Variants in GRM7 observed in about 807,000 individuals in gnomAD.
GRM7 encodes metabotropic glutamate receptor 7.
Under a neutral mutation model 84.5 loss-of-function variants are expected in GRM7, and 35 were observed. That is an observed-to-expected ratio of 0.41 (90% confidence interval 0.32 to 0.55). The LOEUF (loss-of-function observed/expected upper bound fraction) is 0.55, where lower values mean the gene tolerates loss of function less well. Ranked by LOEUF, GRM7 falls within the 20% of genes least tolerant of loss-of-function variation. The pLI, the probability that GRM7 is intolerant of heterozygous loss-of-function variation, is 0.19. For synonymous variants in GRM7, 487 were observed against 455.1 expected, an observed-to-expected ratio of 1.07 and a Z score of -0.89; for missense variants, 1,003 against 1,194.6, an observed-to-expected ratio of 0.84 and a Z score of 2.36.
chr3:7,551,299 A>G (rs1231369788), intron 7 of GRM7, among the ~76,000 whole-genome samples: 1 of 152,192 alleles, frequency 6.6e-6, no homozygotes, highest in African/African-American at 2.4e-5. Context: ...GAGGTTTCCT[A>G]AACTCAGGGT....
At chr3:6,957,595 G>T (rs1238136079) in intron 1 of GRM7, among the ~76,000 whole-genome samples, 1 of 152,138 alleles carries the variant, frequency 6.6e-6, no homozygotes, top group Non-Finnish European at 1.5e-5. Flanking sequence ...TTAAAGCATT[G>T]CTGCAGACCA....
intron 5 of GRM7, among the ~76,000 whole-genome samples, chr3:7,433,863 C>T (rs186474826): frequency 6.6e-5 from 10 of 152,262 alleles, no homozygotes; most frequent in African/African-American, 4.8e-5. Flanking sequence ...CTTTAGTACA[C>T]ACCCAAATGA....
At chr3:7,058,618 A>G (rs1697315719) in intron 1 of GRM7, among the ~76,000 whole-genome samples, 2 of 151,964 alleles carry the variant, frequency 1.3e-5, no homozygotes, top group East Asian at 1.9e-4. Context: ...CCATAAATAA[A>G]TAGCACTTGA....
intron 7 of GRM7, among the ~76,000 whole-genome samples, chr3:7,569,813 C>G (rs1260294254): frequency 6.6e-6 from 1 of 152,042 alleles, no homozygotes; most frequent in Non-Finnish European, 1.5e-5. Context: ...GCCCGTGAGA[C>G]CACAAACCCC....
intron 2 of GRM7, among the ~76,000 whole-genome samples, chr3:7,198,229 T>C (rs1695946605): frequency 6.6e-6 from 1 of 151,668 alleles, no homozygotes; most frequent in Admixed American, 6.6e-5. Context: ...TGGCTATATA[T>C]GCAACAGCAC....
At chr3:6,905,573 T>TTCTC (rs57968526) in intron 1 of GRM7, among the ~76,000 whole-genome samples, 84,594 of 151,368 alleles carry the variant, frequency 0.56, 25,829 homozygotes, top group African/African-American at 0.83. Context: ...CCCTTCCTCT[T>TTCTC]TCTCTCTCCC....
chr3:7,044,649 A>G (rs1696737181), intron 1 of GRM7, among the ~76,000 whole-genome samples: 1 of 152,128 alleles, frequency 6.6e-6, no homozygotes, highest in Non-Finnish European at 1.5e-5. Flanking sequence ...TTAGCCCTTA[A>G]TTAGCCATTT....
At chr3:7,214,935 C>T (rs1054168719) in intron 2 of GRM7, among the ~76,000 whole-genome samples, 13 of 152,116 alleles carry the variant, frequency 8.5e-5, no homozygotes, top group African/African-American at 3.1e-4. Flanking sequence ...TTTAGAAAGA[C>T]CTAAAAACCT....
intron 5 of GRM7, among the ~76,000 whole-genome samples, chr3:7,435,042 T>G (rs1289566835): frequency 1.3e-5 from 2 of 151,182 alleles, no homozygotes; most frequent in Non-Finnish European, 2.9e-5. Flanking sequence ...TCTCTTAAAT[T>G]TTTTTTCATT....
At chr3:7,034,667 C>A (rs941767755) in intron 1 of GRM7, among the ~76,000 whole-genome samples, 3 of 152,090 alleles carry the variant, frequency 2.0e-5, no homozygotes, top group African/African-American at 7.2e-5. Context: ...CAAGTATAGA[C>A]TCAGGAACCA....
chr3:7,218,852 A>T (rs1696702142), intron 2 of GRM7, among the ~76,000 whole-genome samples: 1 of 151,882 alleles, frequency 6.6e-6, no homozygotes, highest in African/African-American at 2.4e-5. Flanking sequence ...TTTACTTATT[A>T]TTTTTAACAT....
At chr3:6,869,630 G>C (rs991728660) in intron 1 of GRM7, among the ~76,000 whole-genome samples, 1 of 123,488 alleles carries the variant, frequency 8.1e-6, no homozygotes, top group African/African-American at 2.9e-5. Context: ...AAGAGCAAAA[G>C]AGAGAACAGT....
intron 1 of GRM7, among the ~76,000 whole-genome samples, chr3:7,015,376 A>G (rs953585223): frequency 6.6e-6 from 1 of 152,190 alleles, no homozygotes; most frequent in African/African-American, 2.4e-5. Flanking sequence ...GGGTAGATGA[A>G]TGAATGTGAG....
At chr3:7,247,849 T>C (rs144659184) in intron 2 of GRM7, among the ~76,000 whole-genome samples, 56 of 151,984 alleles carry the variant, frequency 3.7e-4, no homozygotes, top group African/African-American at 1.3e-3. Flanking sequence ...GAAAAGTAAA[T>C]AAGCATTTCA....
In GRM7 at chr3:6,940,823, C is replaced by T. The variant is rs114608631; in HGVS notation, c.519+78916C>T. On this transcript the variant is annotated intron_variant, in intron 1 of 9. Coordinates refer to ENST00000357716, the MANE Select transcript of GRM7 (RefSeq NM_000844.4). ...TGTGAAGATAGAGATATGGAATAAC[C>T]ACCTAAGTTCTTCCTCACCTACTCT... 9.7e-3 allele frequency among the ~76,000 whole-genome samples: 1,475 copies of T among 152,260 alleles called. 18 individuals are homozygous for T. The highest frequency in any genetic ancestry group is 0.034 in the African/African-American group (1,400 of 41,540).
At chr3:7,198,891 G>T (rs544460098) in intron 2 of GRM7, among the ~76,000 whole-genome samples, 1 of 152,266 alleles carries the variant, frequency 6.6e-6, no homozygotes, top group South Asian at 2.1e-4. Context: ...GGGTGGTGAG[G>T]TTGAACAGAG....
chr3:7,554,067 T>G (rs1336669505), intron 7 of GRM7, among the ~76,000 whole-genome samples: 1 of 152,154 alleles, frequency 6.6e-6, no homozygotes, highest in African/African-American at 2.4e-5. Context: ...TGTGCAAAGC[T>G]ATGAAGCAAA....
At chr3:7,236,781 AC>A (rs1453282823) in intron 2 of GRM7, among the ~76,000 whole-genome samples, 1 of 152,142 alleles carries the variant, frequency 6.6e-6, no homozygotes, top group East Asian at 1.9e-4. Flanking sequence ...CCCACTGACC[AC>A]AGACATATGC....
intron 8 of GRM7, among the ~76,000 whole-genome samples, chr3:7,651,764 A>T (rs903029908): frequency 1.3e-5 from 2 of 152,296 alleles, no homozygotes. Context: ...TTTGCAGAAG[A>T]AATAGCAATT....
Sources: gnomAD v4.1 joint callset for allele counts (sites outside exome capture counted in the v4.1 genomes callset) on GRCh38, gnomAD v4.1.1 for gene constraint, MANE v1.5 for transcripts, NCBI Gene and HGNC (gene_info 2026-07-23, HGNC 2026-07-21) for gene names.